The following DTNBP1 variants were observed in gnomAD, a reference collection of about 807,000 sequenced individuals.
DTNBP1 encodes the protein dysbindin.
Under a neutral mutation model 42.8 loss-of-function variants are expected in DTNBP1, and 35 were observed. The ratio of observed to expected loss-of-function variants is 0.82; its 90% confidence interval spans 0.63 to 1.09. The LOEUF (loss-of-function observed/expected upper bound fraction) is 1.09. DTNBP1 is among the 50% of genes least tolerant of loss of function. The pLI is 0.00. For synonymous variants in DTNBP1, 171 were observed against 162.2 expected (o/e 1.05, Z -0.41); for missense variants, 457 against 424.2 (o/e 1.08, Z -0.68).
At chr6:15,612,672 A>G (rs1361868124) in intron 6 of DTNBP1, among the ~76,000 whole-genome samples, 2 of 152,160 alleles carry the variant, frequency 1.3e-5, no homozygotes, top group African/African-American at 4.8e-5. Flanking sequence ...CTAAAACCCT[A>G]TAATGTACTG....
At chr6:15,620,436 C>A (rs1045419994) in intron 5 of DTNBP1, among the ~76,000 whole-genome samples, 1 of 152,084 alleles carries the variant, frequency 6.6e-6, no homozygotes, top group Admixed American at 6.6e-5. Flanking sequence ...GATCTTCCTG[C>A]GTTGGCCTCC....
intron 6 of DTNBP1, 174 bp downstream of exon 6, chr6:15,615,093 C>T: frequency 2.1e-6 from 2 of 935,544 alleles, no homozygotes; most frequent in South Asian, 2.7e-5. Flanking sequence ...TAACTCATCT[C>T]CAAAAGATGG....
chr6:15,592,576 C>T (rs1031947841), intron 7 of DTNBP1, among the ~76,000 whole-genome samples: 1 of 152,120 alleles, frequency 6.6e-6, no homozygotes, highest in African/African-American at 2.4e-5. Context: ...TCATCTGAGC[C>T]TCTAATTTTA....
chr6:15,610,464 T>A (rs1369594848), intron 6 of DTNBP1, among the ~76,000 whole-genome samples: 1 of 152,166 alleles, frequency 6.6e-6, no homozygotes, highest in African/African-American at 2.4e-5. Flanking sequence ...GGCCTCTAAT[T>A]ATTCAAGTGA....
intron 8 of DTNBP1, among the ~76,000 whole-genome samples, chr6:15,531,418 A>G (rs1466777499): frequency 1.3e-5 from 2 of 152,312 alleles, no homozygotes; most frequent in Non-Finnish European, 2.9e-5. Flanking sequence ...AAACGCACAG[A>G]GGACAAATGC....
intron 4 of DTNBP1, among the ~76,000 whole-genome samples, chr6:15,632,954 T>A (rs1321033273): frequency 6.6e-6 from 1 of 152,224 alleles, no homozygotes; most frequent in African/African-American, 2.4e-5. Flanking sequence ...GTTTTATATA[T>A]ATAGGAAAAC....
In DTNBP1 at chr6:15,522,825, T is replaced by C. The variant is rs1468048876; in HGVS notation, c.*150A>G. 2 of 1,386,406 alleles carry C rather than the reference T, an allele frequency of 1.4e-6. No individual in the cohort carries two copies. Among genetic ancestry groups the C allele is most frequent in the African/African-American group, 1.4e-5 (1 of 70,184 alleles). 85.9% of individuals were successfully genotyped at this position (1,386,406 alleles called of 1,614,324 possible). ...CTCTCAGTTTACCGTCCTCACACTTTATTGTTAGCTGTTCTTTAAGTTTCT... is the reference window on the plus strand; with the variant it reads ...CTCTCAGTTTACCGTCCTCACACTTCATTGTTAGCTGTTCTTTAAGTTTCT... On this transcript the variant is annotated 3_prime_UTR_variant, in exon 10 of 10. Coordinates refer to ENST00000344537, the MANE Select transcript of DTNBP1 (RefSeq NM_032122.5).
chr6:15,584,586 ACACAG>A (rs1325942291), intron 7 of DTNBP1, among the ~76,000 whole-genome samples: 1 of 152,022 alleles, frequency 6.6e-6, no homozygotes, highest in East Asian at 1.9e-4. Context: ...TGTTATACAT[ACACAG>A]GCGTGAGAGA....
At chr6:15,621,046 A>G (rs1232593714) in intron 5 of DTNBP1, among the ~76,000 whole-genome samples, 1 of 152,240 alleles carries the variant, frequency 6.6e-6, no homozygotes, top group Non-Finnish European at 1.5e-5. Flanking sequence ...TTGACCAGTA[A>G]TGATCATGAT....
intron 8 of DTNBP1, among the ~76,000 whole-genome samples, chr6:15,525,052 A>C (rs1254406444): frequency 6.6e-6 from 1 of 152,190 alleles, no homozygotes; most frequent in Non-Finnish European, 1.5e-5. Flanking sequence ...TCCTGCCTAC[A>C]GGTGCCCTGA....
Position 15,522,937 on chromosome 6 carries a change from T to C in DTNBP1, c.*38A>G, listed in dbSNP as rs1197673817. The C allele has an allele frequency of 1.2e-6, 2 of 1,614,206 alleles. No homozygotes were observed. Among genetic ancestry groups the C allele is most frequent in the South Asian group, 1.1e-5 (1 of 91,086 alleles). ...GTGGAATTCCGCATACAGCCAAAAC[T>C]GGATTCCAGTGTGGCCAGACAACGC... On this transcript the variant is annotated 3_prime_UTR_variant, in exon 10 of 10. Coordinates refer to ENST00000344537, the MANE Select transcript of DTNBP1 (RefSeq NM_032122.5).
At chr6:15,641,890 G>T (rs1259880146) in intron 3 of DTNBP1, among the ~76,000 whole-genome samples, 1 of 152,160 alleles carries the variant, frequency 6.6e-6, no homozygotes, top group African/African-American at 2.4e-5. Context: ...CAAAGGAAAT[G>T]CAGGCACAGT....
intron 7 of DTNBP1, among the ~76,000 whole-genome samples, chr6:15,545,737 T>C (rs561193353): frequency 6.6e-6 from 1 of 152,346 alleles, no homozygotes; most frequent in South Asian, 2.1e-4. Flanking sequence ...GAAACACTAT[T>C]CTAGTATTCT....
Position 15,535,535 on chromosome 6 carries a change from C to A in DTNBP1, c.512-2140G>T, listed in dbSNP as rs559439659. On this transcript the variant is annotated intron_variant, in intron 7 of 9. Coordinates refer to ENST00000344537, the MANE Select transcript of DTNBP1 (RefSeq NM_032122.5). Reference sequence around the variant, plus strand: ...GTTTTGCCATGTTGGTCAGGCTGGTCTCAAACTCCTACCTCAAGTGATCTG... The same window carrying A: ...GTTTTGCCATGTTGGTCAGGCTGGTATCAAACTCCTACCTCAAGTGATCTG... Among the ~76,000 whole-genome samples the A allele has an allele frequency of 5.9e-5, 9 of 152,268 alleles. No individual in the cohort carries two copies. The South Asian group carries it at 1.9e-3, about 32-fold the overall frequency.
chr6:15,551,581 G>A (rs915751819), intron 7 of DTNBP1, among the ~76,000 whole-genome samples: 1 of 152,178 alleles, frequency 6.6e-6, no homozygotes, highest in African/African-American at 2.4e-5. Context: ...ATCTCAGCTC[G>A]ACTGCCCCCT....
chr6:15,641,791 G>T (rs1581426961), intron 3 of DTNBP1, among the ~76,000 whole-genome samples: 1 of 152,140 alleles, frequency 6.6e-6, no homozygotes, highest in Non-Finnish European at 1.5e-5. Flanking sequence ...AGTTCCCCAG[G>T]TAACTGTGAG....
chr6:15,627,546 G>A (rs1759423144), intron 4 of DTNBP1, 71 bp from the exon 5 acceptor site: 3 of 1,594,534 alleles, frequency 1.9e-6, no homozygotes, highest in Non-Finnish European at 2.6e-6. Flanking sequence ...TTAACGTAAT[G>A]AGATTTAATG....
At chr6:15,546,670 C>A (rs1357977995) in intron 7 of DTNBP1, among the ~76,000 whole-genome samples, 1 of 152,038 alleles carries the variant, frequency 6.6e-6, no homozygotes, top group African/African-American at 2.4e-5. Context: ...TAAATTATTA[C>A]CCTTGTTCAA....
chr6:15,621,561 T>C (rs958575186), intron 5 of DTNBP1, among the ~76,000 whole-genome samples: 6 of 152,256 alleles, frequency 3.9e-5, no homozygotes, highest in African/African-American at 1.4e-4. Context: ...GACGGCCTCA[T>C]GCTCTTGTGC....
Sources: gnomAD v4.1 joint callset for allele counts (sites outside exome capture counted in the v4.1 genomes callset) on GRCh38, gnomAD v4.1.1 for gene constraint, MANE v1.5 for transcripts, NCBI Gene and HGNC (gene_info 2026-07-23, HGNC 2026-07-21) for gene names.